The following PARD3B variants were observed in gnomAD, a reference collection of about 807,000 sequenced individuals.
PARD3B encodes par-3 family cell polarity regulator beta, also known as partitioning defective 3 homolog B.
Under a neutral mutation model 130.2 loss-of-function variants are expected in PARD3B, and 103 were observed. The observed-to-expected ratio is 0.79, with a 90% CI of 0.67 to 0.93. The LOEUF (loss-of-function observed/expected upper bound fraction) is 0.93, where lower values mean the gene tolerates loss of function less well. Among genes scored for constraint, PARD3B ranks in the 40% least tolerant of loss-of-function variants. PARD3B has a pLI of 0.00. For synonymous variants in PARD3B, 583 were observed against 553.2 expected (o/e 1.05, Z -0.76); for missense variants, 1,609 against 1,499.2 (o/e 1.07, Z -1.21).
intron 15 of PARD3B, among the ~76,000 whole-genome samples, chr2:205,219,244 G>A (rs976146299): frequency 4.6e-5 from 7 of 152,170 alleles, no homozygotes; most frequent in Admixed American, 2.0e-4. Context: ...ATGTGTAATC[G>A]CCTTTTCTGC....
chr2:205,340,979 CAATTACATTAAAA>C (rs1303568808), intron 18 of PARD3B, among the ~76,000 whole-genome samples: 2 of 152,022 alleles, frequency 1.3e-5, no homozygotes, highest in East Asian at 3.9e-4. Flanking sequence ...AAATGGCCAA[CAATTACATTAAAA>C]AATGCTTGAC....
rs1160971603 is a variant in PARD3B, at chr2:205,125,613, A to G, written c.1310A>G (p.Asn437Ser). ...TCATATGCTTTTATTCATTAGGTAA[A>G]TGGGAGAGATGTCACCGGACGAACC... is the stretch of plus-strand genomic sequence containing the variant. The part of the protein sequence containing the change: ...LQSGDRILEV[N>S]GRDVTGRTQE... Residue 437 changes from asparagine (N) to serine (S), a missense_variant, in exon 10 of 23, where the codon AAT becomes AGT. Asn to Ser is a conservative substitution (Grantham distance 46, BLOSUM62 1). Coordinates refer to ENST00000406610, the MANE Select transcript of PARD3B (RefSeq NM_001302769.2). This position sits in a 1 kb window ranked among gnomAD's most constrained non-coding sequence, Gnocchi z 4.0. 3 of 1,613,936 alleles carry G rather than the reference A, an allele frequency of 1.9e-6. No individual in the cohort carries two copies. Among genetic ancestry groups the G allele is most frequent in the Non-Finnish European group, 2.5e-6 (3 of 1,179,924 alleles).
In PARD3B at chr2:205,236,742, A is replaced by G. The variant is rs185841409; in HGVS notation, c.2141-9036A>G. On this transcript the variant is annotated intron_variant, in intron 15 of 22. Transcript: ENST00000406610. ...AATGGACACATATTAACAGACTAAA[A>G]CAGAAAAAGCATAACCATATGATCA... is the stretch of plus-strand genomic sequence containing the variant. 2.6e-4 allele frequency among the ~76,000 whole-genome samples: 39 copies of G among 152,332 alleles called. No individual in the cohort carries two copies. The East Asian group carries it at 5.2e-3, about 20-fold the overall frequency.
intron 2 of PARD3B, among the ~76,000 whole-genome samples, chr2:204,928,883 G>A (rs555077520): frequency 6.6e-6 from 1 of 152,204 alleles, no homozygotes; most frequent in African/African-American, 2.4e-5. Context: ...GCAGGTGAGG[G>A]TCATGCTAGC....
chr2:205,431,849 A>G (rs1265690829), intron 19 of PARD3B, among the ~76,000 whole-genome samples: 1 of 152,180 alleles, frequency 6.6e-6, no homozygotes, highest in Non-Finnish European at 1.5e-5. Flanking sequence ...TTGAAGACAA[A>G]CACCTCAACA....
At chr2:204,829,726 G>A (rs112601939) in intron 2 of PARD3B, among the ~76,000 whole-genome samples, 3,713 of 152,102 alleles carry the variant, frequency 0.024, 144 homozygotes, top group African/African-American at 0.083. Flanking sequence ...CTGGCCGGGC[G>A]CGGTGGCTCA....
chr2:205,504,835 T>A (rs1451341164), intron 21 of PARD3B, among the ~76,000 whole-genome samples: 2 of 152,244 alleles, frequency 1.3e-5, no homozygotes, highest in East Asian at 3.8e-4. Flanking sequence ...AGTGTGGCGA[T>A]TCCTCAGGGA....
chr2:205,486,880 T>C (rs2049464398), intron 20 of PARD3B, among the ~76,000 whole-genome samples: 1 of 152,092 alleles, frequency 6.6e-6, no homozygotes, highest in Non-Finnish European at 1.5e-5. Context: ...TTTGGATTAA[T>C]TGTTATGACC....
chr2:204,686,080 G>C, intron 1 of PARD3B, 101 bp from the exon 2 acceptor site: 2 of 781,538 alleles, frequency 2.6e-6, no homozygotes, highest in Non-Finnish European at 4.2e-6. Flanking sequence ...TTGATTACTA[G>C]AACATATTTT....
chr2:205,211,406 A>G (rs879527333), intron 15 of PARD3B, among the ~76,000 whole-genome samples: 13 of 152,242 alleles, frequency 8.5e-5, no homozygotes, highest in African/African-American at 2.6e-4. Context: ...TGTCTATGCC[A>G]GGTAATGTTC....
chr2:204,983,776 A>G (rs1417966815), intron 3 of PARD3B, among the ~76,000 whole-genome samples: 1 of 152,200 alleles, frequency 6.6e-6, no homozygotes, highest in African/African-American at 2.4e-5. Flanking sequence ...TAGTATAGAC[A>G]TTGTAAAATA....
chr2:205,238,896 A>G (rs534452966), intron 15 of PARD3B, among the ~76,000 whole-genome samples: 1,419 of 130,698 alleles, frequency 0.011, 23 homozygotes, highest in Non-Finnish European at 0.017. Context: ...GTATATATAT[A>G]TATATATATA....
chr2:204,547,299 T>C (rs928397396), intron 1 of PARD3B, among the ~76,000 whole-genome samples: 4 of 152,198 alleles, frequency 2.6e-5, no homozygotes, highest in Admixed American at 1.3e-4. Context: ...TCTGGACAGA[T>C]ACATGTGCAT....
intron 11 of PARD3B, among the ~76,000 whole-genome samples, chr2:205,163,421 A>G (rs375371335): frequency 2.0e-5 from 3 of 152,230 alleles, no homozygotes; most frequent in African/African-American, 7.2e-5. Flanking sequence ...TTGTAAATGT[A>G]TGCACTCAGA....
rs1054542611 is a variant in PARD3B, at chr2:205,230,165, G to A, written c.2141-15613G>A. Among the ~76,000 whole-genome samples, 1 of 152,086 alleles carries A rather than the reference G, an allele frequency of 6.6e-6. No homozygotes were observed. The highest frequency in any genetic ancestry group is 3.4e-3 in the Middle Eastern group (1 of 294). Reference sequence around the variant, plus strand: ...CTACGGCTGAGCTGGTACCTAAGGTGCAAGACCAAGTCCCTCTCCTTTTCT... The same window carrying A: ...CTACGGCTGAGCTGGTACCTAAGGTACAAGACCAAGTCCCTCTCCTTTTCT... On this transcript the variant is annotated intron_variant, in intron 15 of 22. Coordinates refer to ENST00000406610, the MANE Select transcript of PARD3B (RefSeq NM_001302769.2). The surrounding 1 kb of genome is among the most constrained non-coding windows in gnomAD (Gnocchi z 4.1).
At chr2:205,205,018 A>G (rs538110756) in intron 15 of PARD3B, among the ~76,000 whole-genome samples, 55 of 152,118 alleles carry the variant, frequency 3.6e-4, no homozygotes, top group African/African-American at 1.2e-3. Flanking sequence ...GGATAGCATT[A>G]AATCTATAAA....
In PARD3B at chr2:205,440,506, C is replaced by A. The variant is rs775937730; in HGVS notation, c.2878C>A (p.Arg960=). Residue 960 remains arginine (R), a synonymous_variant, in exon 20 of 23, where the codon CGG becomes AGG. Coordinates refer to ENST00000406610, the MANE Select transcript of PARD3B (RefSeq NM_001302769.2). The surrounding 1 kb of genome is among the most constrained non-coding windows in gnomAD (Gnocchi z 4.2). The part of the protein sequence containing the change: ...DPNYARVNHF[R]EPCTSANVFR... ...CAATTATGCCAGAGTGAACCACTTTCGGGAACCATGCACATCAGCAAATGT... is the reference window on the plus strand; with the variant it reads ...CAATTATGCCAGAGTGAACCACTTTAGGGAACCATGCACATCAGCAAATGT... The A allele has an allele frequency of 1.2e-6, 2 of 1,613,910 alleles. No individual in the cohort carries two copies. The highest frequency in any genetic ancestry group is 1.3e-5 in the African/African-American group (1 of 74,878).
intron 3 of PARD3B, among the ~76,000 whole-genome samples, chr2:205,016,536 T>C (rs1356209132): frequency 6.6e-6 from 1 of 152,196 alleles, no homozygotes; most frequent in African/African-American, 2.4e-5. Flanking sequence ...GGATCATTTC[T>C]TTCCAAGGAA....
chr2:205,598,722 G>T (rs2054665823), intron 22 of PARD3B, among the ~76,000 whole-genome samples: 1 of 152,096 alleles, frequency 6.6e-6, no homozygotes, highest in Non-Finnish European at 1.5e-5. Flanking sequence ...TGGCCATAAA[G>T]CAAATCTGAA....
Sources: gnomAD v4.1 joint callset for allele counts (sites outside exome capture counted in the v4.1 genomes callset) on GRCh38, gnomAD v4.1.1 for gene constraint, Gnocchi (gnomAD v3.1) non-coding constraint, MANE v1.5 for transcripts, NCBI Gene and HGNC (gene_info 2026-07-23, HGNC 2026-07-21) for gene names.